Variants in INSL6 observed in about 807,000 individuals in gnomAD.
INSL6 encodes insulin like 6.
INSL6 carries 16 observed loss-of-function variants against 9.4 expected under a neutral mutation model. The ratio of observed to expected loss-of-function variants is 1.70; its 90% CI spans 1.15 to 2.59. The LOEUF (loss-of-function observed/expected upper bound fraction) is 2.59, where lower values mean the gene tolerates loss of function less well. INSL6 is among the 30% of genes most tolerant of loss of function. The pLI, the probability that INSL6 is intolerant of heterozygous loss-of-function variation, is 0.00. For missense variants in INSL6, 391 were observed against 257.3 expected (o/e 1.52, Z -3.56); for synonymous variants, 154 against 96.9 (o/e 1.59, Z -3.46).
chr9:5,112,726 C>T, the INSL6 span: 4 of 761,374 alleles, frequency 5.3e-6, no homozygotes, highest in South Asian at 3.5e-5. Context: ...ACCTGAATCC[C>T]AAAACAGCCT....
intron 1 of INSL6, among the ~76,000 whole-genome samples, chr9:5,165,011 C>T (rs1825019549): frequency 6.6e-6 from 1 of 152,194 alleles, no homozygotes; most frequent in South Asian, 2.1e-4. Flanking sequence ...AGTTCAATAC[C>T]AGCTTCGCCA....
chr9:5,097,800 C>A, the INSL6 span: 1 of 152,216 alleles, frequency 6.6e-6, no homozygotes, highest in Admixed American at 6.5e-5. Context: ...TCCACTACGT[C>A]CTATCACCAG....
At chr9:5,166,457 G>A (rs1176951893) in intron 1 of INSL6, among the ~76,000 whole-genome samples, 1 of 151,136 alleles carries the variant, frequency 6.6e-6, no homozygotes, top group Non-Finnish European at 1.5e-5. Context: ...GACTAATCAG[G>A]AACAAAAAAG....
the INSL6 span, chr9:5,022,195 G>A: frequency 6.2e-7 from 1 of 1,613,514 alleles, no homozygotes; most frequent in Non-Finnish European, 8.5e-7. Flanking sequence ...AATCTGTATT[G>A]CTGCTTCTAA....
At chr9:5,097,471 A>G in the INSL6 span, 1 of 152,210 alleles carries the variant, frequency 6.6e-6, no homozygotes, top group East Asian at 1.9e-4. Flanking sequence ...GTATATGGGC[A>G]TAGTATGAGC....
At chr9:5,143,169 C>G (rs1417038710) in intron 2 of INSL6, among the ~76,000 whole-genome samples, 1 of 151,540 alleles carries the variant, frequency 6.6e-6, no homozygotes, top group East Asian at 1.9e-4. Context: ...TGTATTTCTG[C>G]CAGGTTTTGG....
At chr9:5,023,907 T>G in the INSL6 span, among the ~76,000 whole-genome samples, 2 of 152,138 alleles carry the variant, frequency 1.3e-5, no homozygotes, top group East Asian at 1.9e-4. Context: ...TTTTTAGCTT[T>G]TAAGATTTTT....
chr9:5,161,198 T>A (rs1301542385), downstream of INSL6, among the ~76,000 whole-genome samples: 1 of 152,012 alleles, frequency 6.6e-6, no homozygotes, highest in Non-Finnish European at 1.5e-5. Flanking sequence ...AAAATACTAG[T>A]AAACCAAACG....
At chr9:5,116,803 T>C in the INSL6 span, among the ~76,000 whole-genome samples, 10 of 152,202 alleles carry the variant, frequency 6.6e-5, no homozygotes, top group Admixed American at 3.9e-4. Flanking sequence ...CCACTACCCA[T>C]AGTCCCTTCA....
At chr9:5,112,186 T>C in the INSL6 span, 1 of 262,074 alleles carries the variant, frequency 3.8e-6, no homozygotes, top group South Asian at 3.5e-5. Context: ...GGCGCTGGCC[T>C]TGGGCTTCGC....
intron 2 of INSL6, among the ~76,000 whole-genome samples, chr9:5,138,986 G>A (rs1824438038): frequency 6.6e-6 from 1 of 152,028 alleles, no homozygotes; most frequent in Non-Finnish European, 1.5e-5. Flanking sequence ...TTTCTTGGTT[G>A]TTCAAGGAGA....
chr9:5,025,930 G>C, the INSL6 span, among the ~76,000 whole-genome samples: 1 of 151,986 alleles, frequency 6.6e-6, no homozygotes, highest in Non-Finnish European at 1.5e-5. Context: ...CAAGTTTATT[G>C]GCATAATGTT....
chr9:5,126,816 C>T, intron 3 of INSL6: 2 of 1,418,374 alleles, frequency 1.4e-6, no homozygotes, highest in Non-Finnish European at 2.0e-6. Flanking sequence ...ATTCTGAGAC[C>T]AAAGTAGATT....
the INSL6 span, chr9:5,112,507 CT>C: frequency 2.5e-5 from 14 of 565,298 alleles, no homozygotes; most frequent in South Asian, 4.8e-5. Flanking sequence ...GGAAGATGAC[CT>C]TTTCCCCCCA....
the INSL6 span, among the ~76,000 whole-genome samples, chr9:5,102,423 AC>A: frequency 6.6e-6 from 1 of 152,250 alleles, no homozygotes; most frequent in African/African-American, 2.4e-5. Context: ...TGATTGTTGT[AC>A]CTGAAAGTGA....
chr9:5,144,241 T>C (rs1353547544), intron 2 of INSL6, among the ~76,000 whole-genome samples: 1 of 152,194 alleles, frequency 6.6e-6, no homozygotes, highest in Non-Finnish European at 1.5e-5. Context: ...TCCTGATTTC[T>C]CCTTCATTTC....
chr9:5,121,126 G>T (rs1419372007), downstream of INSL6, among the ~76,000 whole-genome samples: 1 of 152,140 alleles, frequency 6.6e-6, no homozygotes, highest in Non-Finnish European at 1.5e-5. Context: ...GTAGTGTTGG[G>T]AAAGTATAAT....
the INSL6 span, among the ~76,000 whole-genome samples, chr9:5,074,568 T>C: frequency 6.6e-6 from 1 of 152,226 alleles, no homozygotes; most frequent in Non-Finnish European, 1.5e-5. Flanking sequence ...GCAAACTTCA[T>C]AGATGAATGC....
the INSL6 span, chr9:5,081,903 AT>A: frequency 6.6e-7 from 1 of 1,518,780 alleles, no homozygotes; most frequent in South Asian, 1.2e-5. Flanking sequence ...TAATCATTTC[AT>A]TTAGGAAAAA....
Sources: allele counts gnomAD v4.1 joint callset (sites outside exome capture counted in the v4.1 genomes callset), GRCh38; gene constraint gnomAD v4.1.1; transcripts MANE v1.5; gene names NCBI Gene and HGNC (gene_info 2026-07-23, HGNC 2026-07-21).